The following STRN variants were observed in gnomAD, a reference collection of about 807,000 sequenced individuals.
The protein encoded by STRN is striatin.
In STRN, 53 loss-of-function variants were observed where a neutral mutation model predicts 96.3. That is an observed-to-expected ratio of 0.55 (90% CI 0.44 to 0.69). STRN has a LOEUF of 0.69. Ranked by LOEUF, STRN falls within the 30% of genes least tolerant of loss-of-function variation. The probability of loss-of-function intolerance (pLI) is 0.00; values close to 1 mark genes in which losing one functional copy is unlikely to be tolerated. For missense variants in STRN, 987 were observed against 963.9 expected (o/e 1.02, Z -0.32); for synonymous variants, 428 against 355.9 (o/e 1.20, Z -2.28).
chr2:36,870,296 G>GAAAAAAA (rs56722317), intron 10 of STRN, among the ~76,000 whole-genome samples: 1 of 139,022 alleles, frequency 7.2e-6, no homozygotes, highest in Non-Finnish European at 1.6e-5. Flanking sequence ...TCTCAAAAAT[G>GAAAAAAA]AAAAAAAAAA....
intron 1 of STRN, among the ~76,000 whole-genome samples, chr2:36,929,087 A>C (rs1407104778): frequency 3.9e-5 from 6 of 152,200 alleles, no homozygotes. Context: ...TTCAAGGAAA[A>C]TGAATGTTGA....
intron 9 of STRN, among the ~76,000 whole-genome samples, chr2:36,883,615 T>G (rs1669136250): frequency 6.6e-6 from 1 of 152,244 alleles, no homozygotes; most frequent in Non-Finnish European, 1.5e-5. Flanking sequence ...AGTAAACATT[T>G]ACTACCAATT....
intron 9 of STRN, among the ~76,000 whole-genome samples, 158 bp downstream of exon 9, chr2:36,883,774 C>G (rs1669139974): frequency 1.3e-5 from 2 of 152,194 alleles, no homozygotes; most frequent in Admixed American, 1.3e-4. Context: ...TGGAATCAAA[C>G]TCCCTTGAAT....
chr2:36,893,919 C>A lies in STRN; in HGVS notation c.910G>T (p.Ala304Ser). The change falls in exon 7 of 18, where the codon GCA becomes TCA. Residue 304 changes from alanine to serine, a missense_variant. Transcript: ENST00000263918. Reference protein sequence around the residue: ...SEEGDNESRSAGDGTDWEKED... With the variant: ...SEEGDNESRSSGDGTDWEKED... ...TTACCCCAGTCTGTTCCATCGCCTGCACTTCTAGATTCATTGTCTCCTTCC... is the reference window on the plus strand; with the variant it reads ...TTACCCCAGTCTGTTCCATCGCCTGAACTTCTAGATTCATTGTCTCCTTCC... 1.2e-6 allele frequency: 2 copies of A among 1,611,900 alleles called. No individual in the cohort carries two copies. The highest frequency in any genetic ancestry group is 1.7e-6 in the Non-Finnish European group (2 of 1,179,242).
At chr2:36,917,239 T>G (rs1456895471) in intron 2 of STRN, among the ~76,000 whole-genome samples, 1 of 151,610 alleles carries the variant, frequency 6.6e-6, no homozygotes, top group Non-Finnish European at 1.5e-5. Context: ...AGAAAAGTAG[T>G]GGCTGGGCAC....
intron 1 of STRN, among the ~76,000 whole-genome samples, chr2:36,930,251 A>G (rs186039167): frequency 6.6e-6 from 1 of 151,936 alleles, no homozygotes; most frequent in Admixed American, 6.6e-5. Context: ...GACCAGTATG[A>G]TGAAACCCCA....
intron 1 of STRN, among the ~76,000 whole-genome samples, chr2:36,954,084 C>A (rs1664822822): frequency 6.6e-6 from 1 of 152,012 alleles, no homozygotes; most frequent in Admixed American, 6.6e-5. Flanking sequence ...TTAAAAATAA[C>A]CTAAAAATCA....
chr2:36,956,688 A>C (rs1422066995), intron 1 of STRN, among the ~76,000 whole-genome samples: 2 of 152,220 alleles, frequency 1.3e-5, no homozygotes, highest in African/African-American at 4.8e-5. Context: ...TGCTTCAGTT[A>C]TCAAGATTTT....
rs1459423931 is a variant in STRN at position 36,843,947 on chromosome 2, A to C, written c.*5509T>G. 6.6e-6 allele frequency: 1 copy of C among 152,188 alleles called. No homozygotes were observed. The highest frequency in any genetic ancestry group is 1.5e-5 in the Non-Finnish European group (1 of 68,014). 9.4% of individuals were successfully genotyped at this position (152,188 alleles called of 1,614,324 possible). A position where few individuals can be genotyped will look rare whatever the true frequency, so the allele number is the denominator to read the frequency against. On this transcript the variant is annotated 3_prime_UTR_variant, in exon 18 of 18. Transcript: ENST00000263918. ...CATTTGGATTAATTTACATTAATTG[A>C]TGTAACTAAAATTTAAAATACCTGA...
chr2:36,851,211 G>T, intron 15 of STRN, 104 bp from the exon 16 acceptor site: 1 of 1,003,696 alleles, frequency 1.0e-6, no homozygotes, highest in Non-Finnish European at 1.4e-6. Context: ...TAGGCCGGCC[G>T]CGGTGGCTCA....
Position 36,839,520 on chromosome 2 carries a change from T to G in STRN, c.*9936A>C, listed in dbSNP as rs989022684. 1.3e-5 allele frequency among the ~76,000 whole-genome samples: 2 copies of G among 152,216 alleles called. No homozygotes were observed. Among genetic ancestry groups the G allele is most frequent in the African/African-American group, 4.8e-5 (2 of 41,460 alleles). ...CTGTATTCAGAGAGTGAACAAGTCA[T>G]TTGCTGGATGCTTATTTTATTAGGT... On this transcript the variant is annotated 3_prime_UTR_variant, in exon 18 of 18. Coordinates refer to ENST00000263918, the MANE Select transcript of STRN (RefSeq NM_003162.4).
At chr2:36,863,756 C>T (rs1249342542) in intron 12 of STRN, among the ~76,000 whole-genome samples, 1 of 152,156 alleles carries the variant, frequency 6.6e-6, no homozygotes, top group Non-Finnish European at 1.5e-5. Flanking sequence ...GGCAGTACGG[C>T]CATTTTAACA....
Position 36,886,725 on chromosome 2 carries a change from C to A in STRN, c.1033G>T (p.Gly345Trp). 1 of 1,609,282 alleles carries A rather than the reference C, an allele frequency of 6.2e-7. No homozygotes were observed. The highest frequency in any genetic ancestry group is 8.5e-7 in the Non-Finnish European group (1 of 1,177,304). The change falls in exon 8 of 18, where the codon GGG becomes TGG. Residue 345 changes from glycine to tryptophan, a missense_variant. Gly to Trp is a radical substitution (Grantham distance 184). Coordinates refer to ENST00000263918, the MANE Select transcript of STRN (RefSeq NM_003162.4). ...QYKKERKGKK[G>W]VKRPNRSKLQ... is the part of the protein sequence containing the mutation. ...AATGTTTTCCACTTACTCTTCACCC[C>A]CTTTTTCCCCTTTCTCTCCTTTTTG... is the stretch of plus-strand genomic sequence containing the variant.
At chr2:36,892,440 C>T (rs1669425743) in intron 7 of STRN, among the ~76,000 whole-genome samples, 1 of 151,558 alleles carries the variant, frequency 6.6e-6, no homozygotes, top group Non-Finnish European at 1.5e-5. Context: ...AAAAAACAAA[C>T]AAAAAACAAA....
At chr2:36,953,330 A>G (rs899101623) in intron 1 of STRN, among the ~76,000 whole-genome samples, 1 of 152,098 alleles carries the variant, frequency 6.6e-6, no homozygotes, top group South Asian at 2.1e-4. Flanking sequence ...TCAATTCTGT[A>G]ACAAATTTTC....
intron 12 of STRN, among the ~76,000 whole-genome samples, chr2:36,862,075 T>C (rs537097422): frequency 1.3e-5 from 2 of 152,346 alleles, no homozygotes; most frequent in East Asian, 1.9e-4. Context: ...TTCAGTTCCA[T>C]GATTTTCCTG....
chr2:36,918,690 A>T (rs1000143138), intron 2 of STRN, among the ~76,000 whole-genome samples: 1 of 152,220 alleles, frequency 6.6e-6, no homozygotes, highest in African/African-American at 2.4e-5. Flanking sequence ...GGTCCCTTAA[A>T]TCAAGGTCTC....
At chr2:36,924,545 T>A (rs190410006) in intron 2 of STRN, among the ~76,000 whole-genome samples, 1 of 152,062 alleles carries the variant, frequency 6.6e-6, no homozygotes, top group African/African-American at 2.4e-5. Context: ...GGGGAGCATA[T>A]TTGCTTCTTC....
At position 36,849,737 on chromosome 2, in the gene STRN, T is replaced by C. The variant is rs773914103; in HGVS notation, c.2150A>G (p.Asn717Ser). The change falls in exon 17 of 18, where the codon AAT (asparagine) becomes AGT (serine). Residue 717 changes from asparagine to serine, a missense_variant. By Grantham distance (46) the Asn-to-Ser change is conservative (BLOSUM62 1). Coordinates refer to ENST00000263918, the MANE Select transcript of STRN (RefSeq NM_003162.4). ...EAVTSLAVDP[N>S]GLYLMSGSHD... ...ACTGCCAGACATCAAGTAAAGGCCA[T>C]TGGGATCAACTGCTAAACTTGTAAC... is the stretch of plus-strand genomic sequence containing the variant. 1.9e-6 allele frequency: 3 copies of C among 1,614,102 alleles called. No homozygotes were observed. Among genetic ancestry groups the C allele is most frequent in the Admixed American group, 3.3e-5 (2 of 60,020 alleles).
Sources: gnomAD v4.1 joint callset for allele counts (sites outside exome capture counted in the v4.1 genomes callset) on GRCh38, gnomAD v4.1.1 for gene constraint, MANE v1.5 for transcripts, NCBI Gene and HGNC (gene_info 2026-07-23, HGNC 2026-07-21) for gene names.